Variants in NLRP8 observed in about 807,000 individuals in gnomAD.
The protein encoded by NLRP8 is NLR family pyrin domain containing 8, also known as NACHT, LRR and PYD domains-containing protein 8.
A neutral mutation model predicts 88.7 loss-of-function variants in NLRP8; 86 were observed. The observed-to-expected ratio is 0.97, with a 90% CI of 0.81 to 1.16. The LOEUF (loss-of-function observed/expected upper bound fraction) is 1.16. Among genes scored for constraint, NLRP8 ranks in the 50% most tolerant of loss-of-function variants. NLRP8 has a pLI of 0.00. For synonymous variants in NLRP8, 504 were observed against 494.6 expected (o/e 1.02, Z -0.25); for missense variants, 1,342 against 1,286.5 (o/e 1.04, Z -0.66).
intron 1 of NLRP8, among the ~76,000 whole-genome samples, chr19:55,952,182 G>C (rs1281029591): frequency 6.6e-6 from 1 of 152,192 alleles, no homozygotes; most frequent in Non-Finnish European, 1.5e-5. Flanking sequence ...TGGACGTATA[G>C]ATACACCCCT....
intron 3 of NLRP8, among the ~76,000 whole-genome samples, chr19:55,957,728 A>T (rs865967847): frequency 6.8e-5 from 9 of 132,698 alleles, no homozygotes; most frequent in African/African-American, 2.1e-4. Flanking sequence ...TATATATAAA[A>T]TAAGGTTGTT....
chr19:55,979,017 C>T (rs1239565668), intron 8 of NLRP8, among the ~76,000 whole-genome samples: 3 of 152,164 alleles, frequency 2.0e-5, no homozygotes, highest in Admixed American at 6.6e-5. Flanking sequence ...TTACCTGTCT[C>T]CTCCCTCAAT....
intron 3 of NLRP8, 140 bp from the exon 4 acceptor site, chr19:55,961,927 C>A: frequency 1.6e-6 from 1 of 620,882 alleles, no homozygotes; most frequent in Non-Finnish European, 2.6e-6. Flanking sequence ...TTTCTGAGTG[C>A]TTTATTTAAA....
Position 55,954,559 on chromosome 19 carries a change from T to G in NLRP8, c.501T>G (p.Ile167Met). The change falls in exon 3 of 10, where the codon ATT (isoleucine) becomes ATG (methionine). Residue 167 changes from isoleucine (I) to methionine (M), a missense_variant. Ile to Met is a conservative substitution (Grantham distance 10). Coordinates refer to ENST00000291971, the MANE Select transcript of NLRP8 (RefSeq NM_176811.2). ...AAAAGTTTTTCCCCATATGGGACAT[T>G]ACGACTTGGCCTGGAAACCAGAGGG... The G allele has an allele frequency of 6.2e-7, 1 of 1,614,184 alleles. No individual in the cohort carries two copies. The highest frequency in any genetic ancestry group is 8.5e-7 in the Non-Finnish European group (1 of 1,180,030).
At chr19:55,987,711 G>A in intron 9 of NLRP8, 1 of 790,666 alleles carries the variant, frequency 1.3e-6, no homozygotes, top group Admixed American at 1.9e-5. Context: ...GGTGGGAGGG[G>A]TACGGTCTGT....
chr19:55,951,423 A>G (rs920391697), intron 1 of NLRP8, among the ~76,000 whole-genome samples: 1 of 152,248 alleles, frequency 6.6e-6, no homozygotes, highest in South Asian at 2.1e-4. Flanking sequence ...GGTGTTCACA[A>G]GAATTTTATA....
intron 5 of NLRP8, 123 bp downstream of exon 5, chr19:55,966,503 C>G: frequency 1.0e-6 from 1 of 974,378 alleles, no homozygotes; most frequent in Non-Finnish European, 1.5e-6. Context: ...CTTTGTTCAA[C>G]TTTAAAAGTA....
chr19:55,972,114 AT>A (rs60245156), intron 6 of NLRP8, among the ~76,000 whole-genome samples: 46,061 of 127,916 alleles, frequency 0.36, 7,115 homozygotes, highest in South Asian at 0.4. Flanking sequence ...CTATGTTTTA[AT>A]TTTTTTTTTT....
At position 55,954,798 on chromosome 19, in the gene NLRP8, AG is replaced by A; in HGVS notation, c.742del (p.Val248Ter). 6.2e-7 allele frequency: 1 copy of A among 1,614,202 alleles called. No individual in the cohort carries two copies. Among genetic ancestry groups the A allele is most frequent in the Admixed American group, 1.7e-5 (1 of 60,028 alleles). On this transcript the variant is annotated frameshift_variant, in exon 3 of 10. Transcript: ENST00000291971. LOFTEE classifies it high-confidence loss of function. The stretch of plus-strand genomic sequence containing the variant: ...TGTGCTTTCTACTTCCATTGCCAAG[AG>A]GTGAACCAGACGACAGACCAGAGCT...
At position 55,988,505 on chromosome 19, in the gene NLRP8, C is replaced by G. The variant is rs1980978052; in HGVS notation, c.*592C>G. On this transcript the variant is annotated 3_prime_UTR_variant, in exon 10 of 10. Transcript: ENST00000291971. The stretch of plus-strand genomic sequence containing the variant: ...GTTTAAATGAAATGCTTTGAGTCAC[C>G]TAAGACAGGATATAGACAAAGTCTT... The G allele has an allele frequency of 7.1e-6, 1 of 141,424 alleles. No homozygotes were observed. Among genetic ancestry groups the G allele is most frequent in the African/African-American group, 2.7e-5 (1 of 37,408 alleles). The allele number at this position is 141,424 out of a possible 1,614,324, so 8.8% of individuals were successfully genotyped here.
chr19:55,984,609 G>A lies in NLRP8; in HGVS notation c.3048-3205G>A, dbSNP rs56110121. ...GTGGAGGTTGTGTTGAGCCGAGATC[G>A]CGCCATTGCACTCCAGCCTGGGCAA... On this transcript the variant is annotated intron_variant, in intron 9 of 9. Coordinates refer to ENST00000291971, the MANE Select transcript of NLRP8 (RefSeq NM_176811.2). Among the ~76,000 whole-genome samples the A allele has an allele frequency of 1.5e-3, 225 of 145,744 alleles. 2 individuals are homozygous for A. Among genetic ancestry groups the A allele is most frequent in the Non-Finnish European group, 2.6e-3 (177 of 67,474 alleles).
rs1980185500 is a variant in NLRP8 at position 55,973,766 on chromosome 19, G to A, written c.2649G>A (p.Gly883=). The A allele has an allele frequency of 6.2e-7, 1 of 1,613,964 alleles. No individual in the cohort carries two copies. The highest frequency in any genetic ancestry group is 8.5e-7 in the Non-Finnish European group (1 of 1,179,958). The change falls in exon 7 of 10, where the codon GGG becomes GGA. Residue 883 remains glycine (G), a synonymous_variant. Coordinates refer to ENST00000291971, the MANE Select transcript of NLRP8 (RefSeq NM_176811.2). ...CAGAAAACGCCTTGAAAGATGAAGG[G>A]GCCAAGCATATTTGGAATGCCCTGC...
rs1214375287 is a variant in NLRP8 at position 55,970,702 on chromosome 19, T to A, written c.2534+6T>A. On this transcript the variant is annotated splice_donor_region_variant and intron_variant, in intron 6 of 9. Transcript: ENST00000291971. Reference sequence around the variant, plus strand: ...GCCCAGCTGGAGAGGCTGTCGTAAGTCTCCTTTCTAGTGGCTGTGGTTGTG... The same window carrying A: ...GCCCAGCTGGAGAGGCTGTCGTAAGACTCCTTTCTAGTGGCTGTGGTTGTG... The A allele has an allele frequency of 6.2e-7, 1 of 1,613,890 alleles. No individual in the cohort carries two copies. The highest frequency in any genetic ancestry group is 8.5e-7 in the Non-Finnish European group (1 of 1,179,904).
Position 55,955,456 on chromosome 19 carries a change from A to G in NLRP8, c.1398A>G (p.Lys466=). ...CCGCAGACAGCATGTGGCACAGGAAATGGGTGTTAGGTAAAGAAGATCTTG... is the reference window on the plus strand; with the variant it reads ...CCGCAGACAGCATGTGGCACAGGAAGTGGGTGTTAGGTAAAGAAGATCTTG... The change falls in exon 3 of 10, where the codon AAA becomes AAG. Residue 466 remains lysine (K), a synonymous_variant. Coordinates refer to ENST00000291971, the MANE Select transcript of NLRP8 (RefSeq NM_176811.2). 6.2e-7 allele frequency: 1 copy of G among 1,614,222 alleles called. No homozygotes were observed. Among genetic ancestry groups the G allele is most frequent in the Non-Finnish European group, 8.5e-7 (1 of 1,180,032 alleles).
chr19:55,953,792 C>CTTTTTTTTTTTTT (rs35767678), intron 2 of NLRP8, among the ~76,000 whole-genome samples: 1 of 55,222 alleles, frequency 1.8e-5, no homozygotes, highest in African/African-American at 7.3e-5. Flanking sequence ...TGTGCCTGGC[C>CTTTTTTTTTTTTT]TTTTTTTTTT....
At chr19:55,976,324 T>G in intron 8 of NLRP8, 21 bp downstream of exon 8, 1 of 1,566,644 alleles carries the variant, frequency 6.4e-7, no homozygotes, top group East Asian at 2.3e-5. Flanking sequence ...CCTCGTCTCC[T>G]CCTGTGAGAC....
At chr19:55,960,769 A>T (rs1979571410) in intron 3 of NLRP8, among the ~76,000 whole-genome samples, 2 of 152,126 alleles carry the variant, frequency 1.3e-5, no homozygotes, top group Non-Finnish European at 2.9e-5. Context: ...TTGCTTTTTC[A>T]TCTCATGTGT....
intron 3 of NLRP8, 44 bp downstream of exon 3, chr19:55,956,144 G>A (rs1193563742): frequency 4.5e-6 from 7 of 1,561,036 alleles, no homozygotes; most frequent in Middle Eastern, 1.9e-4. Context: ...CCTACCCGGA[G>A]GCCTTGACTA....
chr19:55,955,986 A>G lies in NLRP8; in HGVS notation c.1928A>G (p.Gln643Arg), dbSNP rs780921574. 1.2e-6 allele frequency: 2 copies of G among 1,614,200 alleles called. No homozygotes were observed. The highest frequency in any genetic ancestry group is 2.2e-5 in the South Asian group (2 of 91,078). Reference sequence around the variant, plus strand: ...AGAATTGGCAACAACAAAGAAGTTCAAGTGTCTGCTTTTTGCCTGAAGCGG... The same window carrying G: ...AGAATTGGCAACAACAAAGAAGTTCGAGTGTCTGCTTTTTGCCTGAAGCGG... Residue 643 changes from glutamine to arginine, a missense_variant, in exon 3 of 10, where the codon CAA becomes CGA. By Grantham distance (43) the Gln-to-Arg change is conservative. Transcript: ENST00000291971.
Sources: gnomAD v4.1 joint callset for allele counts (sites outside exome capture counted in the v4.1 genomes callset) on GRCh38, gnomAD v4.1.1 for gene constraint, MANE v1.5 for transcripts, NCBI Gene and HGNC (gene_info 2026-07-23, HGNC 2026-07-21) for gene names.